The following MALRD1 variants were observed in gnomAD, a reference collection of about 807,000 sequenced individuals.
MALRD1 encodes the protein MAM and LDL receptor class A domain containing 1, also known as MAM and LDL-receptor class A domain-containing protein 1.
Under a neutral mutation model 242.1 loss-of-function variants are expected in MALRD1, and 247 were observed. That is an observed-to-expected ratio of 1.02 (90% CI 0.92 to 1.13). MALRD1 has a LOEUF of 1.13. Among genes scored for constraint, MALRD1 ranks in the 50% most tolerant of loss-of-function variants. The probability of loss-of-function intolerance (pLI) is 0.00; values close to 1 mark genes in which losing one functional copy is unlikely to be tolerated. For missense variants in MALRD1, 2,989 were observed against 2,533.1 expected (o/e 1.18, Z -3.86); for synonymous variants, 995 against 866.6 (o/e 1.15, Z -2.60).
intron 30 of MALRD1, among the ~76,000 whole-genome samples, chr10:19,497,943 CTT>C (rs1837795818): frequency 1.3e-5 from 2 of 152,144 alleles, no homozygotes; most frequent in Non-Finnish European, 2.9e-5. Flanking sequence ...TCAATCAACA[CTT>C]TTAGAAGAGA....
chr10:19,454,592 C>G (rs978304031), intron 29 of MALRD1, among the ~76,000 whole-genome samples: 2 of 150,748 alleles, frequency 1.3e-5, no homozygotes, highest in Non-Finnish European at 3.0e-5. Context: ...AATTGTAAGT[C>G]AAATCATTGT....
At chr10:19,612,265 C>G (rs1287328818) in intron 35 of MALRD1, among the ~76,000 whole-genome samples, 1 of 151,850 alleles carries the variant, frequency 6.6e-6, no homozygotes, top group African/African-American at 2.4e-5. Flanking sequence ...TAAAGGAGAG[C>G]TTATGTTTGT....
intron 29 of MALRD1, among the ~76,000 whole-genome samples, chr10:19,484,419 T>G (rs10827495): frequency 0.1 from 15,715 of 152,242 alleles, 1,455 homozygotes; most frequent in African/African-American, 0.24. Context: ...CAGTTTTCAG[T>G]TTTTTTAAAG....
intron 33 of MALRD1, among the ~76,000 whole-genome samples, chr10:19,573,161 C>G (rs1836645705): frequency 6.6e-6 from 1 of 152,210 alleles, no homozygotes; most frequent in Non-Finnish European, 1.5e-5. Flanking sequence ...GGATTCTGTA[C>G]AGTGGGCAGA....
At chr10:19,703,471 A>T (rs1451929659) in intron 38 of MALRD1, among the ~76,000 whole-genome samples, 2 of 152,176 alleles carry the variant, frequency 1.3e-5, no homozygotes, top group Non-Finnish European at 2.9e-5. Context: ...ATCTATCCTC[A>T]TGGCTTAAAA....
chr10:19,358,514 T>C (rs1844745287), intron 26 of MALRD1, among the ~76,000 whole-genome samples: 1 of 152,136 alleles, frequency 6.6e-6, no homozygotes, highest in Admixed American at 6.6e-5. Context: ...ATATGCTGTT[T>C]AGTGCAAAGT....
intron 28 of MALRD1, among the ~76,000 whole-genome samples, chr10:19,390,940 A>G (rs574027595): frequency 3.3e-4 from 51 of 152,342 alleles, no homozygotes; most frequent in African/African-American, 1.2e-3. Flanking sequence ...TAAAGTTCTC[A>G]TAAGAGGACT....
At chr10:19,157,109 T>C (rs1043154195) in intron 12 of MALRD1, among the ~76,000 whole-genome samples, 1 of 151,148 alleles carries the variant, frequency 6.6e-6, no homozygotes, top group Non-Finnish European at 1.5e-5. Flanking sequence ...TTGAGTTACT[T>C]TGTAATGCTT....
intron 21 of MALRD1, among the ~76,000 whole-genome samples, chr10:19,303,736 G>T (rs753421393): frequency 7.9e-5 from 12 of 151,616 alleles, no homozygotes; most frequent in Non-Finnish European, 1.8e-4. Context: ...AGATATTTAT[G>T]TCTTTTTTAA....
intron 36 of MALRD1, among the ~76,000 whole-genome samples, chr10:19,631,246 G>A (rs1839885894): frequency 6.6e-6 from 1 of 152,094 alleles, no homozygotes; most frequent in Admixed American, 6.6e-5. Context: ...CAGGTGGAAT[G>A]TAGTTTTTTG....
rs75153974 is a variant in MALRD1 at position 19,619,765 on chromosome 10, T to C, written c.6137+3842T>C. The stretch of plus-strand genomic sequence containing the variant: ...CTTTTGCAAGAATTTATATTTCTGA[T>C]CTGATAATTTGTTCAAGATATCAAA... On this transcript the variant is annotated intron_variant, in intron 36 of 39. Coordinates refer to ENST00000454679, the MANE Select transcript of MALRD1 (RefSeq NM_001142308.3). Among the ~76,000 whole-genome samples the C allele has an allele frequency of 4.2e-3, 633 of 152,204 alleles. 8 individuals are homozygous for C. In the East Asian group the frequency reaches 0.052, roughly 12 times the overall value.
intron 1 of MALRD1, among the ~76,000 whole-genome samples, chr10:19,062,673 C>G (rs1211060329): frequency 6.6e-6 from 1 of 152,154 alleles, no homozygotes; most frequent in Non-Finnish European, 1.5e-5. Flanking sequence ...TGTGAGTTAC[C>G]TACAATACTC....
At position 19,607,780 on chromosome 10, in the gene MALRD1, A is replaced by G; in HGVS notation, c.5948A>G (p.Asn1983Ser). ...HFNEDELICSNKSCSNGALVC... is the reference protein window; with the variant it reads ...HFNEDELICSSKSCSNGALVC... ...CATTATTCTTTTTTTTTTGCAGCCA[A>G]CAAAAGCTGTTCTAATGGAGCTCTG... The change falls in exon 35 of 40, where the codon AAC (asparagine) becomes AGC (serine). Residue 1983 changes from asparagine (N) to serine (S), a missense_variant. Physicochemically the swap from Asn to Ser is conservative, Grantham distance 46. Transcript: ENST00000454679. The G allele has an allele frequency of 1.3e-6, 2 of 1,547,666 alleles. No homozygotes were observed. The highest frequency in any genetic ancestry group is 8.7e-7 in the Non-Finnish European group (1 of 1,145,766).
chr10:19,289,968 G>GA (rs1207774548), intron 21 of MALRD1, among the ~76,000 whole-genome samples: 1 of 151,618 alleles, frequency 6.6e-6, no homozygotes, highest in East Asian at 1.9e-4. Flanking sequence ...AAGTATAAGA[G>GA]AAAAAAACCC....
intron 36 of MALRD1, among the ~76,000 whole-genome samples, chr10:19,641,809 G>C (rs1331807072): frequency 1.3e-5 from 2 of 152,042 alleles, no homozygotes; most frequent in Admixed American, 1.3e-4. Flanking sequence ...ATATTTCCCA[G>C]TCACTAGACA....
intron 9 of MALRD1, among the ~76,000 whole-genome samples, chr10:19,135,163 T>C (rs562082309): frequency 6.6e-6 from 1 of 152,244 alleles, no homozygotes; most frequent in Non-Finnish European, 1.5e-5. Flanking sequence ...CCCTCGTATT[T>C]TGTTTGTTTG....
chr10:19,561,909 A>G (rs1283004442), intron 32 of MALRD1, among the ~76,000 whole-genome samples: 1 of 152,142 alleles, frequency 6.6e-6, no homozygotes, highest in Middle Eastern at 3.2e-3. Flanking sequence ...GGCAGGCCTC[A>G]CTGACAAGAA....
intron 1 of MALRD1, 116 bp downstream of exon 1, chr10:19,049,253 A>G (rs1406398895): frequency 1.2e-5 from 8 of 689,870 alleles, no homozygotes; most frequent in Non-Finnish European, 1.6e-5. Context: ...TGTATCTTGT[A>G]TACCTTTAGT....
chr10:19,725,213 A>G (rs1168240924), intron 38 of MALRD1, among the ~76,000 whole-genome samples: 3 of 152,298 alleles, frequency 2.0e-5, no homozygotes, highest in Admixed American at 2.0e-4. Flanking sequence ...TCTAGTTTCC[A>G]TAATCCCCAC....
Sources: allele counts gnomAD v4.1 joint callset (sites outside exome capture counted in the v4.1 genomes callset), GRCh38; gene constraint gnomAD v4.1.1; transcripts MANE v1.5; gene names NCBI Gene and HGNC (gene_info 2026-07-23, HGNC 2026-07-21).